Variants in ERC2 observed in about 807,000 individuals in gnomAD.
The protein encoded by ERC2 is ELKS/RAB6-interacting/CAST family member 2, also known as ERC protein 2.
ERC2 carries 42 observed loss-of-function variants against 114.8 expected under a neutral mutation model. That is an observed-to-expected ratio of 0.37 (90% CI 0.29 to 0.47). ERC2 has a LOEUF of 0.47. Among genes scored for constraint, ERC2 ranks in the 20% least tolerant of loss-of-function variants. The pLI, the probability that ERC2 is intolerant of heterozygous loss-of-function variation, is 0.99. For synonymous variants in ERC2, 454 were observed against 425.5 expected (o/e 1.07, Z -0.82); for missense variants, 939 against 1,150.7 (o/e 0.82, Z 2.66).
chr3:55,961,379 T>C (rs1226001712), intron 12 of ERC2, among the ~76,000 whole-genome samples: 3 of 152,132 alleles, frequency 2.0e-5, no homozygotes, highest in African/African-American at 7.2e-5. Context: ...AAGCATGATA[T>C]CCTCTGGAAG....
chr3:56,081,963 T>C (rs1484672727), intron 6 of ERC2, among the ~76,000 whole-genome samples: 1 of 152,248 alleles, frequency 6.6e-6, no homozygotes, highest in Non-Finnish European at 1.5e-5. Context: ...TTTGAAGGAT[T>C]ATTGTCCTTA....
intron 6 of ERC2, among the ~76,000 whole-genome samples, chr3:56,087,478 C>A (rs1046654587): frequency 6.6e-6 from 1 of 151,952 alleles, no homozygotes; most frequent in African/African-American, 2.4e-5. Context: ...ATTTTATGTG[C>A]GCCTTCAGAA....
chr3:56,309,092 A>T (rs935866587), intron 2 of ERC2, among the ~76,000 whole-genome samples: 1 of 152,228 alleles, frequency 6.6e-6, no homozygotes, highest in Admixed American at 6.5e-5. Flanking sequence ...ATGTGGCCCC[A>T]GTGTGTGGTG....
At chr3:55,526,374 C>T (rs2053320680) in intron 17 of ERC2, among the ~76,000 whole-genome samples, 1 of 152,154 alleles carries the variant, frequency 6.6e-6, no homozygotes, top group African/African-American at 2.4e-5. Flanking sequence ...GCACTGCTCC[C>T]AATAAAACTG....
intron 3 of ERC2, among the ~76,000 whole-genome samples, chr3:56,233,264 A>G (rs2050742205): frequency 6.6e-6 from 1 of 152,230 alleles, no homozygotes; most frequent in Admixed American, 6.5e-5. Context: ...CATTGTATTA[A>G]TTTCCTATTG....
At chr3:56,170,900 G>C (rs1186789514) in intron 4 of ERC2, among the ~76,000 whole-genome samples, 1 of 151,784 alleles carries the variant, frequency 6.6e-6, no homozygotes, top group African/African-American at 2.4e-5. Flanking sequence ...GAGTAGCTGG[G>C]ACTACAGGCG....
intron 7 of ERC2, among the ~76,000 whole-genome samples, chr3:56,035,436 G>A (rs2149640354): frequency 6.6e-6 from 1 of 152,296 alleles, no homozygotes; most frequent in African/African-American, 2.4e-5. Context: ...CCAAAAAATT[G>A]AAGAGGAGGG....
At chr3:55,757,774 A>C (rs2067153573) in intron 14 of ERC2, among the ~76,000 whole-genome samples, 2 of 152,176 alleles carry the variant, frequency 1.3e-5, no homozygotes, top group African/African-American at 4.8e-5. Flanking sequence ...ACTTACATAA[A>C]CATAAATTAT....
intron 14 of ERC2, among the ~76,000 whole-genome samples, chr3:55,800,916 G>T (rs1019835658): frequency 1.3e-5 from 2 of 152,086 alleles, no homozygotes; most frequent in Admixed American, 6.5e-5. Context: ...TCAAAAGAGG[G>T]TTACTATCCT....
intron 15 of ERC2, among the ~76,000 whole-genome samples, chr3:55,701,132 T>A (rs2063203983): frequency 6.6e-5 from 10 of 152,220 alleles, no homozygotes. Flanking sequence ...ATATAAATAA[T>A]ACACTGACAA....
At chr3:55,664,835 C>T (rs990579911) in intron 17 of ERC2, among the ~76,000 whole-genome samples, 8 of 152,142 alleles carry the variant, frequency 5.3e-5, no homozygotes, top group African/African-American at 1.4e-4. Context: ...GCTCAAATCT[C>T]GCAACGCAGG....
intron 17 of ERC2, among the ~76,000 whole-genome samples, chr3:55,554,570 A>G (rs1212781071): frequency 2.6e-5 from 4 of 152,184 alleles, no homozygotes; most frequent in African/African-American, 9.7e-5. Context: ...TGGGGTGTGG[A>G]TGGTCTCAGG....
In ERC2 at chr3:56,391,473, G is replaced by T. The variant is rs117035169; in HGVS notation, c.657+42878C>A. Among the ~76,000 whole-genome samples, 8 of 152,328 alleles carry T rather than the reference G, an allele frequency of 5.3e-5. No individual in the cohort carries two copies. The East Asian group carries it at 1.3e-3, about 26-fold the overall frequency. On this transcript the variant is annotated intron_variant, in intron 2 of 17. Coordinates refer to ENST00000288221, the MANE Select transcript of ERC2 (RefSeq NM_015576.3). Reference sequence around the variant, plus strand: ...ACCACCATTTCCATTTTAGGAATAAGAAGAGTGAGAAAGAGAAATGGTTAA... The same window carrying T: ...ACCACCATTTCCATTTTAGGAATAATAAGAGTGAGAAAGAGAAATGGTTAA...
intron 3 of ERC2, among the ~76,000 whole-genome samples, chr3:56,228,927 T>C (rs991859664): frequency 1.3e-5 from 2 of 151,610 alleles, no homozygotes; most frequent in Admixed American, 1.3e-4. Flanking sequence ...CAGGGAGGGG[T>C]TCCAGTTCAT....
At position 55,705,085 on chromosome 3, in the gene ERC2, G is replaced by T. The variant is rs564514350; in HGVS notation, c.2713-5573C>A. ...GGTAAGGTCCACTCCAGGTGCAGGG[G>T]TGAGGCAAAGATGAATAGGACATGA... is the stretch of plus-strand genomic sequence containing the variant. On this transcript the variant is annotated intron_variant, in intron 15 of 17. Transcript: ENST00000288221. 9.9e-5 allele frequency among the ~76,000 whole-genome samples: 15 copies of T among 152,282 alleles called. 1 individual carries two copies. Among genetic ancestry groups the T allele is most frequent in the Admixed American group, 6.5e-4 (10 of 15,302 alleles).
chr3:56,306,978 CAGCAG>C (rs774406109), intron 2 of ERC2, among the ~76,000 whole-genome samples: 13 of 152,202 alleles, frequency 8.5e-5, no homozygotes, highest in Non-Finnish European at 1.9e-4. Context: ...CCCCACGTAT[CAGCAG>C]AGCCTGTGCC....
At chr3:56,378,580 A>G (rs1560707095) in intron 2 of ERC2, among the ~76,000 whole-genome samples, 1 of 151,256 alleles carries the variant, frequency 6.6e-6, no homozygotes, top group Non-Finnish European at 1.5e-5. Context: ...ATAAAAAAAA[A>G]AAAAAACAAA....
chr3:56,049,530 T>C (rs2075654847), intron 7 of ERC2, among the ~76,000 whole-genome samples: 1 of 152,098 alleles, frequency 6.6e-6, no homozygotes, highest in African/African-American at 2.4e-5. Context: ...GTTGAGTCAG[T>C]GGGCTGGGAA....
chr3:55,537,485 T>C (rs146791628), intron 17 of ERC2, among the ~76,000 whole-genome samples: 27 of 152,338 alleles, frequency 1.8e-4, no homozygotes, highest in African/African-American at 6.5e-4. Context: ...GCTGATTTCT[T>C]TGGATCCTAG....
Sources: allele counts gnomAD v4.1 joint callset (sites outside exome capture counted in the v4.1 genomes callset), GRCh38; gene constraint gnomAD v4.1.1; transcripts MANE v1.5; gene names NCBI Gene and HGNC (gene_info 2026-07-23, HGNC 2026-07-21).